INPP4B: variants seen among roughly 807,000 people sequenced by gnomAD.
The protein encoded by INPP4B is inositol polyphosphate-4-phosphatase type II B.
A neutral mutation model predicts 122.5 loss-of-function variants in INPP4B; 55 were observed. That is an observed-to-expected ratio of 0.45 (90% confidence interval 0.36 to 0.56). The LOEUF is 0.56. Ranked by LOEUF, INPP4B falls within the 20% of genes least tolerant of loss-of-function variation. The probability of loss-of-function intolerance (pLI) is 0.00; values close to 1 mark genes in which losing one functional copy is unlikely to be tolerated. For synonymous variants in INPP4B, 403 were observed against 388.7 expected (o/e 1.04, Z -0.43); for missense variants, 1,000 against 1,097.7 (o/e 0.91, Z 1.26).
At chr4:142,234,719 G>GT (rs1272208662) in intron 12 of INPP4B, among the ~76,000 whole-genome samples, 1 of 152,098 alleles carries the variant, frequency 6.6e-6, no homozygotes, top group Non-Finnish European at 1.5e-5. Context: ...TATACCTTTT[G>GT]TTTTTGTAGA....
intron 2 of INPP4B, among the ~76,000 whole-genome samples, chr4:142,558,232 T>G (rs1729637402): frequency 6.6e-6 from 1 of 152,148 alleles, no homozygotes; most frequent in South Asian, 2.1e-4. Flanking sequence ...GCTCAGTCTG[T>G]GTACTCAGGT....
chr4:142,799,172 C>T (rs1010292123), intron 1 of INPP4B, among the ~76,000 whole-genome samples: 2 of 151,864 alleles, frequency 1.3e-5, no homozygotes, highest in African/African-American at 4.8e-5. Context: ...TTAAGACTAA[C>T]ATTATTTATA....
intron 2 of INPP4B, among the ~76,000 whole-genome samples, chr4:142,560,206 G>A (rs1484412985): frequency 1.3e-5 from 2 of 152,148 alleles, no homozygotes; most frequent in Non-Finnish European, 2.9e-5. Context: ...TTCCTTCCCC[G>A]CCTCAGCCAT....
chr4:142,249,394 T>C (rs1358152762), intron 11 of INPP4B, among the ~76,000 whole-genome samples: 1 of 151,434 alleles, frequency 6.6e-6, no homozygotes, highest in Non-Finnish European at 1.5e-5. Flanking sequence ...ATTAAGAAAT[T>C]TACACAGAAT....
At chr4:142,436,702 GCAA>G (rs949128295) in intron 3 of INPP4B, among the ~76,000 whole-genome samples, 2 of 151,488 alleles carry the variant, frequency 1.3e-5, no homozygotes, top group Admixed American at 1.3e-4. Flanking sequence ...AACAAATAAA[GCAA>G]CAACAAGAGC....
chr4:142,724,022 C>T (rs544481032), intron 2 of INPP4B, among the ~76,000 whole-genome samples: 1 of 152,166 alleles, frequency 6.6e-6, no homozygotes, highest in South Asian at 2.1e-4. Flanking sequence ...ATCATAATCA[C>T]CTTGGGAGTT....
chr4:142,257,825 C>G (rs1033513486), intron 11 of INPP4B, among the ~76,000 whole-genome samples: 2 of 151,498 alleles, frequency 1.3e-5, no homozygotes, highest in Admixed American at 1.3e-4. Flanking sequence ...CTACAAATGA[C>G]TTTCTTCACA....
intron 25 of INPP4B, among the ~76,000 whole-genome samples, chr4:142,071,970 A>G (rs1341551119): frequency 6.6e-6 from 1 of 152,208 alleles, no homozygotes; most frequent in Non-Finnish European, 1.5e-5. Context: ...CATTTGACCC[A>G]GCCATCCCAT....
At chr4:142,800,707 C>T (rs1340268385) in intron 1 of INPP4B, among the ~76,000 whole-genome samples, 1 of 152,110 alleles carries the variant, frequency 6.6e-6, no homozygotes, top group East Asian at 1.9e-4. Context: ...TAGTATAATA[C>T]TGACTTCTGT....
chr4:142,433,598 A>G (rs1809796854), intron 3 of INPP4B, among the ~76,000 whole-genome samples: 1 of 152,240 alleles, frequency 6.6e-6, no homozygotes, highest in Admixed American at 6.5e-5. Flanking sequence ...ACATAAAATC[A>G]TACAAGAAGG....
At chr4:142,830,850 C>CAAA (rs70949194) in intron 1 of INPP4B, among the ~76,000 whole-genome samples, 65 of 91,272 alleles carry the variant, frequency 7.1e-4, no homozygotes, top group Middle Eastern at 6.0e-3. Flanking sequence ...GCTGTCTCTA[C>CAAA]AAAAAAAAAA....
chr4:142,236,811 T>A (rs1856863632), intron 12 of INPP4B, among the ~76,000 whole-genome samples: 1 of 151,994 alleles, frequency 6.6e-6, no homozygotes, highest in Non-Finnish European at 1.5e-5. Flanking sequence ...ACCAAAAGAG[T>A]AAAATACTAT....
intron 2 of INPP4B, among the ~76,000 whole-genome samples, chr4:142,465,604 T>G (rs1817613837): frequency 6.6e-6 from 1 of 152,212 alleles, no homozygotes; most frequent in African/African-American, 2.4e-5. Flanking sequence ...GGTCAGTGCC[T>G]TCTTTGGTCC....
chr4:142,440,816 T>C (rs191176329), intron 3 of INPP4B, among the ~76,000 whole-genome samples: 1 of 152,312 alleles, frequency 6.6e-6, no homozygotes, highest in Non-Finnish European at 1.5e-5. Flanking sequence ...GTTACTATGG[T>C]GGAACAAATT....
chr4:142,099,479 A>G (rs898675594), intron 23 of INPP4B, among the ~76,000 whole-genome samples: 1 of 152,138 alleles, frequency 6.6e-6, no homozygotes, highest in Non-Finnish European at 1.5e-5. Flanking sequence ...GATGTTTATA[A>G]AGCAAAGTTA....
At position 142,624,285 on chromosome 4, in the gene INPP4B, T is replaced by C. The variant is rs369545552; in HGVS notation, c.-191+101554A>G. Reference sequence around the variant, plus strand: ...CTAACTGGTGTGAGATGGTATCTCATTGTGGTTTTGATTTGCATTTCTCTG... The same window carrying C: ...CTAACTGGTGTGAGATGGTATCTCACTGTGGTTTTGATTTGCATTTCTCTG... On this transcript the variant is annotated intron_variant, in intron 2 of 25. Coordinates refer to ENST00000262992, the MANE Select transcript of INPP4B (RefSeq NM_001101669.3). Among the ~76,000 whole-genome samples, 725 of 151,848 alleles carry C rather than the reference T, an allele frequency of 4.8e-3. 6 individuals carry two copies. Among genetic ancestry groups the C allele is most frequent in the African/African-American group, 0.015 (622 of 41,392 alleles).
chr4:142,034,671 C>G (rs1006171576), intron 25 of INPP4B, among the ~76,000 whole-genome samples: 1 of 152,090 alleles, frequency 6.6e-6, no homozygotes, highest in Non-Finnish European at 1.5e-5. Context: ...GACCCCTTCC[C>G]TTGTATCCAG....
intron 2 of INPP4B, among the ~76,000 whole-genome samples, chr4:142,630,860 A>T (rs1270856245): frequency 6.6e-5 from 10 of 152,102 alleles, no homozygotes; most frequent in Non-Finnish European, 1.5e-4. Context: ...TCTTAGAAGT[A>T]ATGTTGAATT....
chr4:142,738,633 C>T (rs1432325359), intron 1 of INPP4B, among the ~76,000 whole-genome samples: 1 of 151,828 alleles, frequency 6.6e-6, no homozygotes, highest in East Asian at 1.9e-4. Flanking sequence ...AGAAGCTTCT[C>T]TTCTTATAAA....
Sources: allele counts gnomAD v4.1 joint callset (sites outside exome capture counted in the v4.1 genomes callset), GRCh38; gene constraint gnomAD v4.1.1; transcripts MANE v1.5; gene names NCBI Gene and HGNC (gene_info 2026-07-23, HGNC 2026-07-21).